The following UBL3 variants were observed in gnomAD, a reference collection of about 807,000 sequenced individuals.
UBL3 encodes the protein ubiquitin like 3.
A neutral mutation model predicts 18.4 loss-of-function variants in UBL3; 6 were observed. That is an observed-to-expected ratio of 0.33 (90% CI 0.18 to 0.64). The LOEUF is 0.64. Ranked by LOEUF, UBL3 falls within the 30% of genes least tolerant of loss-of-function variation. The pLI is 0.76. For synonymous variants in UBL3, 49 were observed against 46.6 expected (o/e 1.05, Z -0.21); for missense variants, 109 against 142.9 (o/e 0.76, Z 1.21).
intron 1 of UBL3, among the ~76,000 whole-genome samples, chr13:29,797,438 T>C (rs1877643121): frequency 6.6e-6 from 1 of 152,174 alleles, no homozygotes; most frequent in South Asian, 2.1e-4. Flanking sequence ...CCTAATCCTC[T>C]TTAAGGTCTC....
At chr13:29,816,344 C>T (rs1223416357) in intron 1 of UBL3, among the ~76,000 whole-genome samples, 1 of 152,030 alleles carries the variant, frequency 6.6e-6, no homozygotes. Context: ...AACCAAGTAA[C>T]AATAAGGAAT....
At chr13:29,777,938 T>C (rs1877045626) in intron 1 of UBL3, among the ~76,000 whole-genome samples, 1 of 152,120 alleles carries the variant, frequency 6.6e-6, no homozygotes. Context: ...AGCTAATTTT[T>C]GTGTTTTTAG....
At chr13:29,797,983 A>C (rs1213709927) in intron 1 of UBL3, among the ~76,000 whole-genome samples, 2 of 147,964 alleles carry the variant, frequency 1.4e-5, no homozygotes, top group African/African-American at 4.9e-5. Context: ...ACCATTACCC[A>C]GTTTTTCACA....
rs367837085 is a variant in UBL3, at chr13:29,764,802, T to C, written c.*2453A>G. The C allele has an allele frequency of 6.6e-6, 1 of 152,140 alleles. No individual in the cohort carries two copies. The highest frequency in any genetic ancestry group is 2.1e-4 in the South Asian group (1 of 4,828). The allele number at this position is 152,140 out of a possible 1,614,324, so 9.4% of individuals were successfully genotyped here. A position where few individuals can be genotyped will look rare whatever the true frequency, so the allele number is the denominator to read the frequency against. ...GATCTATGCAGCTCTCACCTTTAGA[T>C]AAGTGAGCTATATTTTTGGCAGAGG... On this transcript the variant is annotated 3_prime_UTR_variant, in exon 5 of 5. Coordinates refer to ENST00000380680, the MANE Select transcript of UBL3 (RefSeq NM_007106.4).
At chr13:29,816,027 T>G (rs557902891) in intron 1 of UBL3, among the ~76,000 whole-genome samples, 1 of 152,300 alleles carries the variant, frequency 6.6e-6, no homozygotes, top group African/African-American at 2.4e-5. Context: ...TCAGGGCTAT[T>G]TTCCACTAAA....
At chr13:29,843,783 A>G (rs1490668211) in intron 1 of UBL3, among the ~76,000 whole-genome samples, 1 of 152,220 alleles carries the variant, frequency 6.6e-6, no homozygotes, top group African/African-American at 2.4e-5. Context: ...AATGTTCTCC[A>G]TAACATGTTT....
At chr13:29,793,186 G>C (rs1877525690) in intron 1 of UBL3, among the ~76,000 whole-genome samples, 1 of 152,124 alleles carries the variant, frequency 6.6e-6, no homozygotes, top group Non-Finnish European at 1.5e-5. Flanking sequence ...AAAAGAAACA[G>C]CTAAGGAAAA....
At chr13:29,829,397 C>T (rs1384179939) in intron 1 of UBL3, among the ~76,000 whole-genome samples, 1 of 152,218 alleles carries the variant, frequency 6.6e-6, no homozygotes, top group East Asian at 1.9e-4. Flanking sequence ...GGCGGGCGCC[C>T]CTCCCCCAGC....
At chr13:29,829,998 G>T (rs565170140) in intron 1 of UBL3, among the ~76,000 whole-genome samples, 1 of 152,178 alleles carries the variant, frequency 6.6e-6, no homozygotes, top group South Asian at 2.1e-4. Flanking sequence ...TCTTTTCTTT[G>T]TAATAATCTG....
At chr13:29,814,440 G>T (rs74044752) in intron 1 of UBL3, among the ~76,000 whole-genome samples, 4 of 151,640 alleles carry the variant, frequency 2.6e-5, no homozygotes, top group African/African-American at 9.7e-5. Context: ...AATATATAGA[G>T]ATATATAACA....
chr13:29,849,545 G>C lies in UBL3; in HGVS notation c.-7C>G, dbSNP rs374945754. On this transcript the variant is annotated 5_prime_UTR_variant, in exon 1 of 5. Transcript: ENST00000380680. ...CCGGGACATTACTGGACATCTTGCC[G>C]TTTGATATACACCCAGATGTTTACG... 3 of 1,613,742 alleles carry C rather than the reference G, an allele frequency of 1.9e-6. No homozygotes were observed. Among genetic ancestry groups the C allele is most frequent in the African/African-American group, 1.3e-5 (1 of 74,896 alleles).
intron 1 of UBL3, among the ~76,000 whole-genome samples, chr13:29,838,895 A>G (rs1333839758): frequency 1.3e-5 from 2 of 152,164 alleles, no homozygotes; most frequent in Non-Finnish European, 2.9e-5. Flanking sequence ...CTTACGTATA[A>G]GGACGAAGAG....
At chr13:29,812,331 C>T (rs923781965) in intron 1 of UBL3, among the ~76,000 whole-genome samples, 1 of 152,020 alleles carries the variant, frequency 6.6e-6, no homozygotes, top group Non-Finnish European at 1.5e-5. Flanking sequence ...CCTGCAAGAA[C>T]CACTACTCAT....
intron 1 of UBL3, among the ~76,000 whole-genome samples, chr13:29,841,493 A>G (rs1415332930): frequency 6.6e-6 from 1 of 152,208 alleles, no homozygotes; most frequent in South Asian, 2.1e-4. Flanking sequence ...AATTTTACCA[A>G]TTAGTAAGAC....
chr13:29,816,577 G>T (rs1878287680), intron 1 of UBL3, among the ~76,000 whole-genome samples: 1 of 151,606 alleles, frequency 6.6e-6, no homozygotes, highest in South Asian at 2.1e-4. Flanking sequence ...CGGGCAACAT[G>T]GTGAGATTTT....
At chr13:29,773,312 G>A (rs114086892) in intron 2 of UBL3, among the ~76,000 whole-genome samples, 2,138 of 152,098 alleles carry the variant, frequency 0.014, 45 homozygotes, top group African/African-American at 0.049. Context: ...TCCTGCCCCC[G>A]CTCCATGCCT....
At chr13:29,820,882 A>T (rs1019856140) in intron 1 of UBL3, among the ~76,000 whole-genome samples, 1 of 152,232 alleles carries the variant, frequency 6.6e-6, no homozygotes, top group African/African-American at 2.4e-5. Flanking sequence ...ATAGTATTTA[A>T]TAGCAGAGTA....
rs201832629 is a variant in UBL3 at position 29,824,776 on chromosome 13, T to C, written c.27+24736A>G. 1.2e-3 allele frequency among the ~76,000 whole-genome samples: 181 copies of C among 152,350 alleles called. No individual in the cohort carries two copies. The East Asian group carries it at 0.027, about 23-fold the overall frequency. On this transcript the variant is annotated intron_variant, in intron 1 of 4. Coordinates refer to ENST00000380680, the MANE Select transcript of UBL3 (RefSeq NM_007106.4). ...TTTTGGTGTTTTAGACATGAAGTCC[T>C]TGCCCATGCCTATGTCCTGAATGGT... is the stretch of plus-strand genomic sequence containing the variant.
chr13:29,845,081 G>A (rs1321666454), intron 1 of UBL3, among the ~76,000 whole-genome samples: 4 of 152,020 alleles, frequency 2.6e-5, no homozygotes, highest in Non-Finnish European at 4.4e-5. Context: ...TGTGTAAGAG[G>A]AATGTCAAAA....
Sources: gnomAD v4.1 joint callset for allele counts (sites outside exome capture counted in the v4.1 genomes callset) on GRCh38, gnomAD v4.1.1 for gene constraint, MANE v1.5 for transcripts, NCBI Gene and HGNC (gene_info 2026-07-23, HGNC 2026-07-21) for gene names.